The following ARHGAP32 variants were observed in gnomAD, a reference collection of about 807,000 sequenced individuals.
ARHGAP32 encodes the protein Rho GTPase activating protein 32.
A neutral mutation model predicts 186.5 loss-of-function variants in ARHGAP32; 51 were observed. That is an observed-to-expected ratio of 0.27 (90% CI 0.22 to 0.35). The LOEUF (loss-of-function observed/expected upper bound fraction) is 0.35, where lower values mean the gene tolerates loss of function less well. ARHGAP32 is among the 10% of genes least tolerant of loss of function. The pLI is 1.00. For synonymous variants in ARHGAP32, 950 were observed against 964.3 expected, an observed-to-expected ratio of 0.99 and a Z score of 0.27; for missense variants, 2,186 against 2,623.5, an observed-to-expected ratio of 0.83 and a Z score of 3.64.
chr11:128,982,452 G>GT (rs1481406653), intron 15 of ARHGAP32, among the ~76,000 whole-genome samples: 1 of 150,916 alleles, frequency 6.6e-6, no homozygotes, highest in Non-Finnish European at 1.5e-5. Flanking sequence ...CACCTTAAAT[G>GT]TAAGTTAAAC....
intron 12 of ARHGAP32, among the ~76,000 whole-genome samples, chr11:128,988,437 C>G (rs1945943580): frequency 6.6e-6 from 1 of 152,158 alleles, no homozygotes; most frequent in Admixed American, 6.6e-5. Context: ...GTTACAGTTA[C>G]ACATTACAGC....
rs36087262 is a variant in ARHGAP32, at chr11:129,251,769, CAA to C, written c.-5+27375_-5+27376del. Among the ~76,000 whole-genome samples the C allele has an allele frequency of 9.6e-3, 1,349 of 140,100 alleles. 8 individuals are homozygous for C. The highest frequency in any genetic ancestry group is 0.031 in the South Asian group (133 of 4,330). The allele number at this position is 140,100 out of a possible 152,430, so 91.9% of individuals were successfully genotyped here. On this transcript the variant is annotated intron_variant, in intron 1 of 6. Coordinates refer to the ARHGAP32 transcript ENST00000525234. Reference sequence around the variant, plus strand: ...TGAAACCCCGACTCTATTAAAAATACAAAAAAAAAAAAAAATCAGCTGGGTGT... The same window carrying C: ...TGAAACCCCGACTCTATTAAAAATACAAAAAAAAAAAAATCAGCTGGGTGT...
At chr11:129,085,887 G>A (rs541184885) in intron 6 of ARHGAP32, among the ~76,000 whole-genome samples, 16 of 151,844 alleles carry the variant, frequency 1.1e-4, no homozygotes, top group Admixed American at 3.9e-4. Flanking sequence ...CCAGCTACTC[G>A]GGAGGCTGAG....
rs536555363 is a variant in ARHGAP32, at chr11:129,045,045, A to C, written c.964-4036T>G. ...TAGGTATATGGGGAAATGCCACTGC[A>C]TACTATACAGAGGTAGATCTACAGT... On this transcript the variant is annotated intron_variant, in intron 10 of 22. Transcript: ENST00000682385. 3.3e-5 allele frequency among the ~76,000 whole-genome samples: 5 copies of C among 152,328 alleles called. No homozygotes were observed. The South Asian group carries it at 1.0e-3, about 32-fold the overall frequency.
At chr11:129,064,134 G>A (rs1247810420) in intron 8 of ARHGAP32, 110 bp from the exon 9 acceptor site, 2 of 758,352 alleles carry the variant, frequency 2.6e-6, no homozygotes, top group Admixed American at 8.0e-5. Context: ...AACCCAAAGA[G>A]TCTTAAAAAA....
intron 2 of ARHGAP32, among the ~76,000 whole-genome samples, chr11:129,159,138 T>C: frequency 6.6e-6 from 1 of 151,794 alleles, no homozygotes; most frequent in South Asian, 2.1e-4. Context: ...TCATCACAGT[T>C]AAAAGAACTA....
At chr11:129,012,998 A>G (rs963783905) in intron 11 of ARHGAP32, among the ~76,000 whole-genome samples, 3 of 152,306 alleles carry the variant, frequency 2.0e-5, no homozygotes, top group Admixed American at 6.5e-5. Context: ...TCTGTGCACA[A>G]CTGGACTTCC....
intron 1 of ARHGAP32, among the ~76,000 whole-genome samples, chr11:129,249,593 T>C (rs549353084): frequency 6.6e-6 from 1 of 152,210 alleles, no homozygotes; most frequent in South Asian, 2.1e-4. Context: ...CATGAAAATC[T>C]ATCCCGAACT....
chr11:129,023,556 G>A (rs954322819), intron 11 of ARHGAP32, among the ~76,000 whole-genome samples: 1 of 152,102 alleles, frequency 6.6e-6, no homozygotes, highest in Non-Finnish European at 1.5e-5. Context: ...TTAAACTAAT[G>A]TATAGAAAAC....
At chr11:129,100,576 C>T (rs1941864968) in intron 5 of ARHGAP32, among the ~76,000 whole-genome samples, 1 of 152,144 alleles carries the variant, frequency 6.6e-6, no homozygotes, top group South Asian at 2.1e-4. Flanking sequence ...CACCAGTGAA[C>T]AAGAGTGCAA....
chr11:129,062,418 C>T (rs1299851088), intron 9 of ARHGAP32, 61 bp from the exon 10 acceptor site: 9 of 1,395,958 alleles, frequency 6.4e-6, no homozygotes, highest in East Asian at 2.3e-5. Context: ...AATTGTTATA[C>T]CTAGAATTTA....
chr11:129,009,932 C>T (rs1937990473), intron 11 of ARHGAP32, among the ~76,000 whole-genome samples: 1 of 152,218 alleles, frequency 6.6e-6, no homozygotes, highest in African/African-American at 2.4e-5. Flanking sequence ...TACATTCCCA[C>T]CAACATTGTA....
At chr11:129,204,957 A>T (rs1445688929) in intron 1 of ARHGAP32, among the ~76,000 whole-genome samples, 1 of 152,180 alleles carries the variant, frequency 6.6e-6, no homozygotes, top group Non-Finnish European at 1.5e-5. Context: ...GAAACAGAGA[A>T]GCATTTTTCC....
intron 10 of ARHGAP32, among the ~76,000 whole-genome samples, chr11:129,050,602 T>C (rs758184214): frequency 6.6e-6 from 1 of 152,222 alleles, no homozygotes; most frequent in Non-Finnish European, 1.5e-5. Context: ...TCTGTACTAG[T>C]AAATATGACT....
chr11:129,122,919 T>A (rs896797874), intron 5 of ARHGAP32, among the ~76,000 whole-genome samples: 9 of 152,150 alleles, frequency 5.9e-5, no homozygotes, highest in African/African-American at 2.2e-4. Context: ...TTTAATAGTT[T>A]TTTCACATTA....
intron 16 of ARHGAP32, 132 bp from the exon 17 acceptor site, chr11:128,981,693 T>C (rs1197745331): frequency 2.5e-6 from 3 of 1,183,914 alleles, no homozygotes; most frequent in Non-Finnish European, 3.6e-6. Flanking sequence ...TAAGGCCCAG[T>C]TGCCTGTTTT....
At position 129,124,785 on chromosome 11, in the gene ARHGAP32, CTGTAAAG is replaced by C. The variant is rs1192215536; in HGVS notation, c.317+11_317+17del. ...TTCGTAGGAATTCATTTAGAATCCA[CTGTAAAG>C]TTATACTCACTTTTTCACATGCTTA... On this transcript the variant is annotated intron_variant, in intron 3 of 22. Transcript: ENST00000682385. 1.3e-6 allele frequency: 2 copies of C among 1,549,754 alleles called. No homozygotes were observed. Among genetic ancestry groups the C allele is most frequent in the Admixed American group, 3.8e-5 (2 of 52,382 alleles).
intron 2 of ARHGAP32, among the ~76,000 whole-genome samples, chr11:129,141,730 G>A (rs1326106181): frequency 6.8e-6 from 1 of 147,768 alleles, no homozygotes; most frequent in East Asian, 2.0e-4. Flanking sequence ...TCTCTGCATT[G>A]TAAAAAGCCT....
chr11:129,190,235 C>T (rs1174763619), intron 1 of ARHGAP32, among the ~76,000 whole-genome samples: 1 of 152,210 alleles, frequency 6.6e-6, no homozygotes, highest in African/African-American at 2.4e-5. Context: ...CCTCCATTTT[C>T]CTGTAGGGCA....
Sources: allele counts gnomAD v4.1 joint callset (sites outside exome capture counted in the v4.1 genomes callset), GRCh38; gene constraint gnomAD v4.1.1; transcripts MANE v1.5; gene names NCBI Gene and HGNC (gene_info 2026-07-23, HGNC 2026-07-21).